Variants in EDRF1 observed in about 807,000 individuals in gnomAD.
The protein encoded by EDRF1 is erythroid differentiation-related factor 1.
A neutral mutation model predicts 148.7 loss-of-function variants in EDRF1; 69 were observed. That is an observed-to-expected ratio of 0.46 (90% CI 0.38 to 0.57). The LOEUF (loss-of-function observed/expected upper bound fraction) is 0.57. Among genes scored for constraint, EDRF1 ranks in the 20% least tolerant of loss-of-function variants. The pLI, the probability that EDRF1 is intolerant of heterozygous loss-of-function variation, is 0.00. For missense variants in EDRF1, 1,118 were observed against 1,478.7 expected (o/e 0.76, Z 4.00); for synonymous variants, 515 against 532.8 (o/e 0.97, Z 0.46).
chr10:125,733,987 G>T, intron 11 of EDRF1, 85 bp from the exon 12 acceptor site: 1 of 1,140,834 alleles, frequency 8.8e-7, no homozygotes, highest in Non-Finnish European at 1.3e-6. Flanking sequence ...GCTCTTTGTT[G>T]GAAAGAAACA....
intron 24 of EDRF1, among the ~76,000 whole-genome samples, chr10:125,754,106 C>T (rs1849775042): frequency 6.6e-6 from 1 of 151,292 alleles, no homozygotes; most frequent in Non-Finnish European, 1.5e-5. Context: ...ATCCTAGCTA[C>T]AGGGGAGGCT....
intron 6 of EDRF1, 28 bp downstream of exon 6, chr10:125,725,866 A>C (rs201111987): frequency 1.2e-6 from 2 of 1,608,818 alleles, no homozygotes; most frequent in East Asian, 4.5e-5. Context: ...AATTCTAGAA[A>C]CTCACATAGG....
intron 16 of EDRF1, 52 bp from the exon 17 acceptor site, chr10:125,740,949 T>C: frequency 6.4e-7 from 1 of 1,551,512 alleles, no homozygotes. Flanking sequence ...CCTATGATCA[T>C]TAATTTTTTT....
At chr10:125,720,485 C>CT (rs1472428779) in intron 1 of EDRF1, among the ~76,000 whole-genome samples, 11 of 152,176 alleles carry the variant, frequency 7.2e-5, no homozygotes, top group African/African-American at 2.7e-4. Flanking sequence ...TTCTACCAGA[C>CT]TATTTTATGA....
chr10:125,756,612 CTG>C (rs1356721038), intron 24 of EDRF1, among the ~76,000 whole-genome samples: 2 of 152,304 alleles, frequency 1.3e-5, no homozygotes, highest in East Asian at 3.8e-4. Flanking sequence ...TTTTGAAGCT[CTG>C]TTAGGTACAC....
At position 125,729,433 on chromosome 10, in the gene EDRF1, C is replaced by T; in HGVS notation, c.970C>T (p.Pro324Ser). 1 of 1,613,962 alleles carries T rather than the reference C, an allele frequency of 6.2e-7. No homozygotes were observed. Among genetic ancestry groups the T allele is most frequent in the Non-Finnish European group, 8.5e-7 (1 of 1,179,888 alleles). Residue 324 changes from proline (P) to serine (S), a missense_variant, in exon 8 of 25, where the codon CCC (proline) becomes TCC (serine). Around this residue, in one of 3 missense-constraint regions of EDRF1, gnomAD observed 954 missense variants for 1,241.4 expected, o/e 0.77. Transcript: ENST00000356792. The part of the protein sequence containing the change: ...DIHMLVGSNM[P>S]IFGGGRYPAV... ...CCATATGTTGGTCGGCTCCAACATG[C>T]CCATATTTGGAGGAGGCAGATACCC...
Position 125,719,764 on chromosome 10 carries a change from G to C in EDRF1, c.-44G>C. The C allele has an allele frequency of 6.5e-7, 1 of 1,527,702 alleles. No individual in the cohort carries two copies. The allele number at this position is 1,527,702 out of a possible 1,614,324, so 94.6% of individuals were successfully genotyped here. A position where few individuals can be genotyped will look rare whatever the true frequency, so the allele number is the denominator to read the frequency against. Reference sequence around the variant, plus strand: ...GCTTTGGGCCTGCGTTGCTGCTGCTGCTCCTCCGCTCCCCCGTCGTATCGC... The same window carrying C: ...GCTTTGGGCCTGCGTTGCTGCTGCTCCTCCTCCGCTCCCCCGTCGTATCGC... On this transcript the variant is annotated 5_prime_UTR_variant, in exon 1 of 25. Coordinates refer to ENST00000356792, the MANE Select transcript of EDRF1 (RefSeq NM_001202438.2).
At position 125,730,354 on chromosome 10, in the gene EDRF1, T is replaced by C; in HGVS notation, c.1083T>C (p.Asn361=). 1 of 1,614,054 alleles carries C rather than the reference T, an allele frequency of 6.2e-7. No individual in the cohort carries two copies. The highest frequency in any genetic ancestry group is 8.5e-7 in the Non-Finnish European group (1 of 1,179,932). ...IDYWLDNLIC[N]VPELVMCFHV... Reference sequence around the variant, plus strand: ...ATTGGTTGGACAACTTGATATGCAATGTGCCAGAGCTTGTGATGTGTTTTC... The same window carrying C: ...ATTGGTTGGACAACTTGATATGCAACGTGCCAGAGCTTGTGATGTGTTTTC... Residue 361 remains asparagine (N), a synonymous_variant, in exon 9 of 25, where the codon AAT becomes AAC. Transcript: ENST00000356792.
intron 6 of EDRF1, among the ~76,000 whole-genome samples, chr10:125,727,045 TTC>T (rs1254998448): frequency 6.6e-6 from 1 of 152,198 alleles, no homozygotes; most frequent in Non-Finnish European, 1.5e-5. Flanking sequence ...GGTTTTTTTT[TTC>T]ATTCTTGGAG....
chr10:125,740,644 A>G lies in EDRF1; in HGVS notation c.2163A>G (p.Gln721=), dbSNP rs1848971405. 6.2e-7 allele frequency: 1 copy of G among 1,613,066 alleles called. No individual in the cohort carries two copies. Among genetic ancestry groups the G allele is most frequent in the African/African-American group, 1.3e-5 (1 of 74,938 alleles). Residue 721 remains glutamine (Q), a synonymous_variant, in exon 16 of 25, where the codon CAA becomes CAG. Transcript: ENST00000356792. ...RALRYIKLAL[Q]SHDTYCCLCT... ...TACGATACATTAAATTAGCTTTGCA[A>G]AGCCATGGTAAGCCACTATAAATGA...
In EDRF1 at chr10:125,723,815, TAA is replaced by T; in HGVS notation, c.395_396del (p.Lys132ThrfsTer26). 6.2e-7 allele frequency: 1 copy of T among 1,612,900 alleles called. No homozygotes were observed. Among genetic ancestry groups the T allele is most frequent in the Non-Finnish European group, 8.5e-7 (1 of 1,179,202 alleles). On this transcript the variant is annotated frameshift_variant, in exon 4 of 25. Coordinates refer to ENST00000356792, the MANE Select transcript of EDRF1 (RefSeq NM_001202438.2). LOFTEE classifies it high-confidence loss of function. ...TTTTTCTCTTAATTTTTTAAGAACA[TAA>T]AAAAACTCCTGAAAATTCCCTACAG...
intron 14 of EDRF1, 62 bp downstream of exon 14, chr10:125,738,051 C>A: frequency 6.6e-7 from 1 of 1,512,070 alleles, no homozygotes; most frequent in Non-Finnish European, 9.2e-7. Flanking sequence ...GCAAATTACA[C>A]TTGTTTGTTG....
Position 125,725,730 on chromosome 10 carries a change from G to A in EDRF1, c.684G>A (p.Gln228=), listed in dbSNP as rs147057409. ...AAQPVSSTAE[Q]QESSSSDQTN... is the part of the protein sequence containing the mutation. ...AGCCTGTCTCATCCACCGCAGAACA[G>A]CAGGAATCGTCCAGTTCAGATCAGA... is the stretch of plus-strand genomic sequence containing the variant. The change falls in exon 6 of 25, where the codon CAG becomes CAA. Residue 228 remains glutamine, a synonymous_variant. Coordinates refer to ENST00000356792, the MANE Select transcript of EDRF1 (RefSeq NM_001202438.2). 141 of 1,614,102 alleles carry A rather than the reference G, an allele frequency of 8.7e-5. 1 individual carries two copies. In the African/African-American group the frequency reaches 1.6e-3, roughly 18 times the overall value.
intron 6 of EDRF1, 32 bp downstream of exon 6, chr10:125,725,870 A>C (rs748495119): frequency 1.9e-6 from 3 of 1,606,062 alleles, no homozygotes; most frequent in Non-Finnish European, 2.5e-6. Flanking sequence ...CTAGAAACTC[A>C]CATAGGAAAA....
At position 125,738,368 on chromosome 10, in the gene EDRF1, C is replaced by T. The variant is rs899525654; in HGVS notation, c.1904C>T (p.Pro635Leu). ...LPAADPSTPI[P>L]LKYEDESSRG... Reference sequence around the variant, plus strand: ...GCAGCTGACCCCAGCACTCCAATCCCGTTAAAATATGAAGATGAATCCTCA... The same window carrying T: ...GCAGCTGACCCCAGCACTCCAATCCTGTTAAAATATGAAGATGAATCCTCA... Residue 635 changes from proline to leucine, a missense_variant, in exon 15 of 25, where the codon CCG (proline) becomes CTG (leucine). Physicochemically the swap from Pro to Leu is moderately conservative, Grantham distance 98 (BLOSUM62 -3). This residue lies in a region of EDRF1 where 954 missense variants were observed against 1,241.4 expected (regional missense o/e 0.77). Transcript: ENST00000356792. 3 of 1,614,032 alleles carry T rather than the reference C, an allele frequency of 1.9e-6. No homozygotes were observed. Among genetic ancestry groups the T allele is most frequent in the Non-Finnish European group, 2.5e-6 (3 of 1,179,988 alleles).
At chr10:125,726,016 C>T (rs7921384) in intron 6 of EDRF1, 178 bp downstream of exon 6, 515,702 of 724,606 alleles carry the variant, frequency 0.71, 190,659 homozygotes, top group East Asian at 0.78. Context: ...TAGTTTTTCG[C>T]AATAGAATTT....
intron 6 of EDRF1, among the ~76,000 whole-genome samples, chr10:125,727,891 A>C (rs552979710): frequency 6.6e-6 from 1 of 152,272 alleles, no homozygotes; most frequent in Admixed American, 6.5e-5. Flanking sequence ...AAGAGGGCCC[A>C]AGTGTATTCC....
At chr10:125,756,709 G>A (rs772448532) in intron 24 of EDRF1, 1 of 347,884 alleles carries the variant, frequency 2.9e-6, no homozygotes, top group Admixed American at 4.3e-5. Flanking sequence ...GCTACTCAAC[G>A]TTCTTTTGGT....
intron 11 of EDRF1, 111 bp downstream of exon 11, chr10:125,733,854 T>A: frequency 9.4e-7 from 1 of 1,065,722 alleles, no homozygotes; most frequent in Non-Finnish European, 1.4e-6. Context: ...GTTTTCATAG[T>A]AGGGGGAAAA....
Sources: allele counts gnomAD v4.1 joint callset (sites outside exome capture counted in the v4.1 genomes callset), GRCh38; gene constraint gnomAD v4.1.1; regional missense constraint gnomAD v4.1.1; transcripts MANE v1.5; gene names NCBI Gene and HGNC (gene_info 2026-07-23, HGNC 2026-07-21).